The following TNKS2 variants were observed in gnomAD, a reference collection of about 807,000 sequenced individuals.
The protein encoded by TNKS2 is tankyrase 2.
Under a neutral mutation model 137.6 loss-of-function variants are expected in TNKS2, and 72 were observed. The observed-to-expected ratio is 0.52, with a 90% CI of 0.43 to 0.64. The LOEUF is 0.64. Among genes scored for constraint, TNKS2 ranks in the 30% least tolerant of loss-of-function variants. The probability of loss-of-function intolerance (pLI) is 0.00; values close to 1 mark genes in which losing one functional copy is unlikely to be tolerated. For synonymous variants in TNKS2, 516 were observed against 512.1 expected (o/e 1.01, Z -0.10); for missense variants, 1,049 against 1,410.2 (o/e 0.74, Z 4.10).
chr10:91,855,532 G>T (rs1325095627), intron 22 of TNKS2, 82 bp from the exon 23 acceptor site: 1 of 1,061,716 alleles, frequency 9.4e-7, no homozygotes, highest in Non-Finnish European at 1.4e-6. Flanking sequence ...AATAGAATCA[G>T]ACGAGTCAAG....
intron 10 of TNKS2, 27 bp downstream of exon 10, chr10:91,831,041 T>C (rs749053458): frequency 5.0e-6 from 8 of 1,612,476 alleles, no homozygotes; most frequent in Non-Finnish European, 5.9e-6. Flanking sequence ...TGATTAAATA[T>C]CATTGAGATT....
chr10:91,842,141 C>A, intron 15 of TNKS2, 31 bp from the exon 16 acceptor site: 2 of 1,516,978 alleles, frequency 1.3e-6, no homozygotes, highest in Non-Finnish European at 1.8e-6. Context: ...TAAGCCATTT[C>A]CCCCTTTTTT....
chr10:91,836,754 A>AT (rs1478647641), intron 12 of TNKS2, 165 bp from the exon 13 acceptor site: 6 of 985,206 alleles, frequency 6.1e-6, no homozygotes, highest in African/African-American at 3.5e-5. Flanking sequence ...AGAGAATCTT[A>AT]TTTTTCACTC....
In TNKS2 at chr10:91,845,019, A is replaced by G; in HGVS notation, c.2160A>G (p.Ala720=). ...GACTTATTCCTTTACATAATGCAGC[A>G]TCTTACGGGGTAAGTTCTTCCGTGT... The part of the protein sequence containing the change: ...KGGLIPLHNA[A]SYGHVDVAAL... The change falls in exon 17 of 27, where the codon GCA becomes GCG. Residue 720 remains alanine (A), a synonymous_variant. Transcript: ENST00000371627. The G allele has an allele frequency of 6.2e-7, 1 of 1,608,664 alleles. No individual in the cohort carries two copies. The highest frequency in any genetic ancestry group is 1.1e-5 in the South Asian group (1 of 90,626).
At chr10:91,850,947 T>C (rs1490800266) in intron 20 of TNKS2, among the ~76,000 whole-genome samples, 3 of 152,186 alleles carry the variant, frequency 2.0e-5, no homozygotes, top group Non-Finnish European at 1.5e-5. Context: ...TGAAAGACAT[T>C]ATATAAATAG....
In TNKS2 at chr10:91,863,062, C is replaced by T. The variant is rs889039673; in HGVS notation, c.*63C>T. The T allele has an allele frequency of 2.3e-5, 27 of 1,178,672 alleles. No homozygotes were observed. Among genetic ancestry groups the T allele is most frequent in the Non-Finnish European group, 3.0e-5 (24 of 807,688 alleles). The allele number at this position is 1,178,672 out of a possible 1,614,324, so 73.0% of individuals were successfully genotyped here. On this transcript the variant is annotated 3_prime_UTR_variant, in exon 27 of 27. Coordinates refer to ENST00000371627, the MANE Select transcript of TNKS2 (RefSeq NM_025235.4). Reference sequence around the variant, plus strand: ...ATCATCAAAGCAGCAGTGGCCTCTACGTTTTACTCCTTTGCTGAAAAAAAA... The same window carrying T: ...ATCATCAAAGCAGCAGTGGCCTCTATGTTTTACTCCTTTGCTGAAAAAAAA...
chr10:91,807,325 A>T (rs1375585002), intron 1 of TNKS2: 4 of 1,613,954 alleles, frequency 2.5e-6, no homozygotes, highest in Non-Finnish European at 3.4e-6. Flanking sequence ...ACTTTAACAC[A>T]CAAGTTCCCA....
chr10:91,862,184 A>G lies in TNKS2; in HGVS notation c.3438+29A>G, dbSNP rs761555830. The G allele has an allele frequency of 1.0e-5, 16 of 1,543,752 alleles. 1 individual carries two copies. Among genetic ancestry groups the G allele is most frequent in the Admixed American group, 9.6e-5 (5 of 51,946 alleles). On this transcript the variant is annotated intron_variant, in intron 26 of 26. Transcript: ENST00000371627. ...ATGTAGTTTTATTTGTTCATCTTCA[A>G]AAATGCTAGGGAGGCATACTTTAAC...
At chr10:91,862,422 T>C (rs1163542140) in intron 26 of TNKS2, among the ~76,000 whole-genome samples, 1 of 152,218 alleles carries the variant, frequency 6.6e-6, no homozygotes, top group Non-Finnish European at 1.5e-5. Flanking sequence ...ACCTATTTTT[T>C]TGTGAACTGT....
chr10:91,838,835 A>G (rs1038754913), intron 13 of TNKS2, among the ~76,000 whole-genome samples: 2 of 152,020 alleles, frequency 1.3e-5, no homozygotes, highest in Middle Eastern at 3.2e-3. Context: ...AAAAAGGGGG[A>G]AAGAGTTTTT....
rs989230138 is a variant in TNKS2 at position 91,863,614 on chromosome 10, C to G, written c.*615C>G. ...AGATTGAGTTATCAGATTTAATTTG[C>G]CGATGGGAGCCTTTATCTGTCATTA... On this transcript the variant is annotated 3_prime_UTR_variant, in exon 27 of 27. Transcript: ENST00000371627. 6 of 152,116 alleles carry G rather than the reference C, an allele frequency of 3.9e-5. No individual in the cohort carries two copies. The highest frequency in any genetic ancestry group is 1.4e-4 in the African/African-American group (6 of 41,416). The allele number at this position is 152,116 out of a possible 1,614,324, so 9.4% of individuals were successfully genotyped here.
intron 24 of TNKS2, 33 bp from the exon 25 acceptor site, chr10:91,859,429 T>C: frequency 7.1e-7 from 1 of 1,402,484 alleles, no homozygotes; most frequent in Non-Finnish European, 9.4e-7. Flanking sequence ...AGATAAATTT[T>C]AAATTATTGT....
chr10:91,802,735 A>G (rs887296215), intron 1 of TNKS2, among the ~76,000 whole-genome samples: 4 of 152,238 alleles, frequency 2.6e-5, no homozygotes, highest in Admixed American at 6.5e-5. Flanking sequence ...CTGTAGGCCA[A>G]CATCATAGTT....
chr10:91,852,434 C>T (rs2133674488), intron 21 of TNKS2, among the ~76,000 whole-genome samples: 1 of 151,344 alleles, frequency 6.6e-6, no homozygotes, highest in East Asian at 1.9e-4. Flanking sequence ...GTGGCGGGCA[C>T]CTGTAGTCCC....
rs540444745 is a variant in TNKS2 at position 91,803,008 on chromosome 10, A to C, written c.199+4119A>C. 3.9e-5 allele frequency among the ~76,000 whole-genome samples: 6 copies of C among 152,320 alleles called. No individual in the cohort carries two copies. In the East Asian group the frequency reaches 1.2e-3, roughly 29 times the overall value. On this transcript the variant is annotated intron_variant, in intron 1 of 26. Coordinates refer to ENST00000371627, the MANE Select transcript of TNKS2 (RefSeq NM_025235.4). Reference sequence around the variant, plus strand: ...GTAGACAGTTGACTTCAATAACAAGAGTTTGGAGTACTCCTTTCAGTGTAC... The same window carrying C: ...GTAGACAGTTGACTTCAATAACAAGCGTTTGGAGTACTCCTTTCAGTGTAC...
chr10:91,843,277 G>T (rs1384810898), intron 16 of TNKS2, among the ~76,000 whole-genome samples: 1 of 152,102 alleles, frequency 6.6e-6, no homozygotes, highest in Non-Finnish European at 1.5e-5. Context: ...TGGCAGAGTT[G>T]GTTTCTTCTG....
At chr10:91,817,051 C>A in intron 2 of TNKS2, 83 bp from the exon 3 acceptor site, 2 of 919,738 alleles carry the variant, frequency 2.2e-6, no homozygotes, top group South Asian at 1.5e-5. Context: ...CTTTGCTGGA[C>A]CAGACTTCTT....
At chr10:91,819,578 G>C (rs747039913) in intron 5 of TNKS2, 21 bp downstream of exon 5, 2 of 1,550,564 alleles carry the variant, frequency 1.3e-6, no homozygotes, top group African/African-American at 1.4e-5. Flanking sequence ...TTGCAACTGA[G>C]TTTGTGCTTA....
intron 6 of TNKS2, among the ~76,000 whole-genome samples, chr10:91,821,108 G>T (rs966839682): frequency 1.3e-5 from 2 of 152,098 alleles, no homozygotes; most frequent in African/African-American, 4.8e-5. Flanking sequence ...CGCGATCGTG[G>T]TTCACTGCAA....
Sources: allele counts gnomAD v4.1 joint callset (sites outside exome capture counted in the v4.1 genomes callset), GRCh38; gene constraint gnomAD v4.1.1; transcripts MANE v1.5; gene names NCBI Gene and HGNC (gene_info 2026-07-23, HGNC 2026-07-21).